The following PAGE2B variants were observed in gnomAD, a reference collection of about 807,000 sequenced individuals.
PAGE2B encodes putative G antigen family E member 3.
A neutral mutation model predicts 7.6 loss-of-function variants in PAGE2B; 5 were observed. That is an observed-to-expected ratio of 0.66 (90% confidence interval 0.34 to 1.38). PAGE2B has a LOEUF of 1.38. PAGE2B is among the 40% of genes most tolerant of loss of function. The pLI, the probability that PAGE2B is intolerant of heterozygous loss-of-function variation, is 0.04. For missense variants in PAGE2B, 70 were observed against 78.4 expected, an observed-to-expected ratio of 0.89 and a Z score of 0.41; for synonymous variants, 29 against 26.7, an observed-to-expected ratio of 1.09 and a Z score of -0.27.
the PAGE2B span, among the ~76,000 whole-genome samples, chrX:55,056,044 T>A: frequency 2.7e-5 from 3 of 111,531 alleles, no homozygotes; most frequent in South Asian, 1.1e-3. Flanking sequence ...TATGGACAGC[T>A]GGGCCTCTGA....
chrX:55,049,246 G>A, the PAGE2B span, among the ~76,000 whole-genome samples: 6 of 111,093 alleles, frequency 5.4e-5, no homozygotes, highest in African/African-American at 9.8e-5. Flanking sequence ...ATGTTCATCA[G>A]GGATATTGGT....
chrX:55,051,144 A>T, the PAGE2B span, among the ~76,000 whole-genome samples: 3 of 111,444 alleles, frequency 2.7e-5, no homozygotes, highest in African/African-American at 9.8e-5. Flanking sequence ...GCCCCCACTC[A>T]CTTCTGGCTT....
chrX:55,067,239 T>C, the PAGE2B span, among the ~76,000 whole-genome samples: 1 of 110,279 alleles, frequency 9.1e-6, no homozygotes, highest in Non-Finnish European at 1.9e-5. Context: ...CGGTGTGTGA[T>C]GTTCCCCTCC....
chrX:55,049,388 C>T, the PAGE2B span, among the ~76,000 whole-genome samples: 18 of 111,446 alleles, frequency 1.6e-4, no homozygotes, highest in Admixed American at 2.9e-4. Flanking sequence ...ATGGTACCAG[C>T]TCCTCCTTGT....
At chrX:55,034,631 A>G in the PAGE2B span, among the ~76,000 whole-genome samples, 448 of 109,390 alleles carry the variant, frequency 4.1e-3, 3 homozygotes, top group African/African-American at 0.014. Flanking sequence ...TCTTCCTTTT[A>G]TAAGTAATCT....
the PAGE2B span, among the ~76,000 whole-genome samples, chrX:55,048,133 C>T: frequency 6.3e-5 from 7 of 111,606 alleles, no homozygotes; most frequent in East Asian, 5.6e-4. Flanking sequence ...TGTAGATATG[C>T]GGCATTATTT....
chrX:55,033,050 C>G, the PAGE2B span, among the ~76,000 whole-genome samples: 1 of 111,383 alleles, frequency 9.0e-6, no homozygotes, highest in Admixed American at 9.6e-5. Context: ...ATTTATCACA[C>G]TGTACTACTG....
the PAGE2B span, among the ~76,000 whole-genome samples, chrX:55,028,965 G>A: frequency 9.0e-6 from 1 of 111,581 alleles, no homozygotes; most frequent in Non-Finnish European, 1.9e-5. Flanking sequence ...GGAAAATGTT[G>A]GTAATAACAA....
the PAGE2B span, among the ~76,000 whole-genome samples, chrX:55,062,301 T>C: frequency 2.7e-5 from 3 of 111,874 alleles, no homozygotes; most frequent in Non-Finnish European, 5.7e-5. Context: ...TTAACTGGGT[T>C]GAGAAGATAT....
At chrX:55,031,243 G>C in the PAGE2B span, among the ~76,000 whole-genome samples, 1 of 111,235 alleles carries the variant, frequency 9.0e-6, no homozygotes, top group Non-Finnish European at 1.9e-5. Context: ...GGGATACCTT[G>C]AGCAAAACCA....
the PAGE2B span, among the ~76,000 whole-genome samples, chrX:55,040,114 GAT>G: frequency 1.7e-4 from 18 of 108,592 alleles, no homozygotes; most frequent in Admixed American, 5.9e-4. Flanking sequence ...TTTGGATCAG[GAT>G]ATGTCTACTT....
chrX:55,063,751 G>T, the PAGE2B span, among the ~76,000 whole-genome samples: 2 of 110,970 alleles, frequency 1.8e-5, no homozygotes, highest in Non-Finnish European at 3.8e-5. Flanking sequence ...TTTTTTGAGG[G>T]TTTTTATCAT....
At chrX:55,054,707 A>G in the PAGE2B span, among the ~76,000 whole-genome samples, 1 of 112,345 alleles carries the variant, frequency 8.9e-6, no homozygotes, top group East Asian at 2.8e-4. Flanking sequence ...TTTAAGAATT[A>G]CTTCCTAAGT....
chrX:55,066,616 T>C, the PAGE2B span, among the ~76,000 whole-genome samples: 9 of 112,029 alleles, frequency 8.0e-5, no homozygotes, highest in East Asian at 2.3e-3. Context: ...CACTCTATCC[T>C]GGCCTGTAAG....
chrX:55,042,579 A>G, the PAGE2B span, among the ~76,000 whole-genome samples: 2 of 89,660 alleles, frequency 2.2e-5, no homozygotes, highest in Admixed American at 1.3e-4. Context: ...GTGTGAACCC[A>G]GGAGGCGGAG....
chrX:55,033,679 C>T, the PAGE2B span, among the ~76,000 whole-genome samples: 1 of 111,823 alleles, frequency 8.9e-6, no homozygotes, highest in Non-Finnish European at 1.9e-5. Context: ...ATTTCTGCAA[C>T]CCCAGTGTCA....
At chrX:55,038,155 C>G in the PAGE2B span, among the ~76,000 whole-genome samples, 1 of 111,084 alleles carries the variant, frequency 9.0e-6, no homozygotes, top group East Asian at 2.8e-4. Context: ...CCTGCCCCAC[C>G]ACCCAAGAAA....
the PAGE2B span, among the ~76,000 whole-genome samples, chrX:55,050,103 T>C: frequency 8.9e-6 from 1 of 112,600 alleles, no homozygotes; most frequent in Non-Finnish European, 1.9e-5. Flanking sequence ...TCAGTTTCCA[T>C]GTAGTTGAGC....
At chrX:55,043,344 T>C in the PAGE2B span, among the ~76,000 whole-genome samples, 1 of 111,660 alleles carries the variant, frequency 9.0e-6, no homozygotes, top group Non-Finnish European at 1.9e-5. Flanking sequence ...AGATGCAACT[T>C]AATTAAACTA....
Sources: allele counts gnomAD v4.1 joint callset (sites outside exome capture counted in the v4.1 genomes callset), GRCh38; gene constraint gnomAD v4.1.1; transcripts MANE v1.5; gene names NCBI Gene and HGNC (gene_info 2026-07-23, HGNC 2026-07-21).